Variants in EEFSEC observed in about 807,000 individuals in gnomAD.
The protein encoded by EEFSEC is selenocysteine-specific elongation factor.
In EEFSEC, 43 loss-of-function variants were observed where a neutral mutation model predicts 42.1. The observed-to-expected ratio is 1.02, with a 90% CI of 0.80 to 1.32. EEFSEC has a LOEUF of 1.32. Ranked by LOEUF, EEFSEC falls within the 40% of genes most tolerant of loss-of-function variation. EEFSEC has a pLI of 0.00. For synonymous variants in EEFSEC, 354 were observed against 339.1 expected, an observed-to-expected ratio of 1.04 and a Z score of -0.48; for missense variants, 745 against 803.6, an observed-to-expected ratio of 0.93 and a Z score of 0.88.
At chr3:128,261,494 G>A (rs1193801526) in intron 2 of EEFSEC, among the ~76,000 whole-genome samples, 4 of 149,788 alleles carry the variant, frequency 2.7e-5, no homozygotes, top group Non-Finnish European at 3.0e-5. Flanking sequence ...GAAAACCATG[G>A]TTGGAAGAAA....
chr3:128,405,217 C>T (rs1018054823), intron 6 of EEFSEC, among the ~76,000 whole-genome samples: 12 of 152,182 alleles, frequency 7.9e-5, no homozygotes, highest in African/African-American at 2.4e-4. Flanking sequence ...GGGGTTTCAC[C>T]GTGTTAGCCA....
chr3:128,182,886 G>C (rs189499838), intron 1 of EEFSEC, among the ~76,000 whole-genome samples: 4 of 149,598 alleles, frequency 2.7e-5, no homozygotes, highest in South Asian at 2.1e-4. Flanking sequence ...ATCGGGGCGG[G>C]GGGGTGGGGT....
intron 1 of EEFSEC, among the ~76,000 whole-genome samples, chr3:128,245,853 C>A (rs1472880294): frequency 6.6e-6 from 1 of 152,122 alleles, no homozygotes; most frequent in Non-Finnish European, 1.5e-5. Context: ...TCCTCCATGC[C>A]TTCCCTCTAT....
chr3:128,235,315 C>A (rs556944817), intron 1 of EEFSEC, among the ~76,000 whole-genome samples: 18 of 152,166 alleles, frequency 1.2e-4, no homozygotes, highest in Admixed American at 3.3e-4. Context: ...GCAATCCCCC[C>A]ACCTCGGCCT....
intron 1 of EEFSEC, among the ~76,000 whole-genome samples, chr3:128,236,668 A>G (rs1458559222): frequency 6.6e-6 from 1 of 152,044 alleles, no homozygotes; most frequent in African/African-American, 2.4e-5. Flanking sequence ...CTCTGACTTC[A>G]TCTCCTTCCT....
At chr3:128,250,037 T>G (rs1156952657) in intron 2 of EEFSEC, among the ~76,000 whole-genome samples, 1 of 152,212 alleles carries the variant, frequency 6.6e-6, no homozygotes, top group African/African-American at 2.4e-5. Context: ...TAATGGCCAT[T>G]TGTGTATCTT....
intron 1 of EEFSEC, among the ~76,000 whole-genome samples, chr3:128,189,172 T>C (rs1018339078): frequency 1.3e-5 from 2 of 152,182 alleles, no homozygotes; most frequent in Non-Finnish European, 2.9e-5. Flanking sequence ...CCTCTGGCCA[T>C]GTGGAGGAGG....
At chr3:128,296,192 T>C (rs1487265685) in intron 4 of EEFSEC, among the ~76,000 whole-genome samples, 2 of 152,160 alleles carry the variant, frequency 1.3e-5, no homozygotes, top group East Asian at 1.9e-4. Context: ...TGTCCCGATG[T>C]TGGAATACCC....
intron 4 of EEFSEC, among the ~76,000 whole-genome samples, chr3:128,296,022 A>G (rs1320780190): frequency 6.6e-6 from 1 of 152,148 alleles, no homozygotes; most frequent in Non-Finnish European, 1.5e-5. Flanking sequence ...ACATGTTACC[A>G]TGGTCCAGAA....
At chr3:128,326,453 AC>A (rs757460995) in intron 4 of EEFSEC, among the ~76,000 whole-genome samples, 2 of 152,126 alleles carry the variant, frequency 1.3e-5, no homozygotes, top group Non-Finnish European at 2.9e-5. Flanking sequence ...TGGGCCAGTT[AC>A]CTCAGCAAGG....
rs770190494 is a variant in EEFSEC, at chr3:128,262,213, G to C, written c.610G>C (p.Glu204Gln). The C allele has an allele frequency of 2.5e-6, 4 of 1,614,118 alleles. No homozygotes were observed. Among genetic ancestry groups the C allele is most frequent in the South Asian group, 1.1e-5 (1 of 91,078 alleles). ...AACTGAAGCTCCACAGGGCATTCCA[G>C]AGCTCATTGAGGTACTGTCATCTTG... is the stretch of plus-strand genomic sequence containing the variant. The part of the protein sequence containing the change: ...PETEAPQGIP[E>Q]LIELLTSQIS... Residue 204 changes from glutamate (E) to glutamine (Q), a missense_variant, in exon 3 of 7, where the codon GAG (glutamate) becomes CAG (glutamine). Coordinates refer to ENST00000254730, the MANE Select transcript of EEFSEC (RefSeq NM_021937.5).
At chr3:128,340,690 G>A (rs2067240385) in intron 4 of EEFSEC, among the ~76,000 whole-genome samples, 1 of 152,180 alleles carries the variant, frequency 6.6e-6, no homozygotes, top group African/African-American at 2.4e-5. Context: ...GAGGGGCTGG[G>A]TTACCACTAA....
chr3:128,281,077 G>C (rs1353796722), intron 4 of EEFSEC, among the ~76,000 whole-genome samples: 1 of 152,204 alleles, frequency 6.6e-6, no homozygotes, highest in Non-Finnish European at 1.5e-5. Context: ...TGGTGACAGT[G>C]ATAATTTCCT....
At chr3:128,328,791 G>A (rs78448325) in intron 4 of EEFSEC, among the ~76,000 whole-genome samples, 4,693 of 152,202 alleles carry the variant, frequency 0.031, 227 homozygotes, top group African/African-American at 0.1. Context: ...AGAGTGCCTC[G>A]CCGTTTTACA....
chr3:128,253,480 T>C (rs905885058), intron 2 of EEFSEC, among the ~76,000 whole-genome samples: 2 of 152,180 alleles, frequency 1.3e-5, no homozygotes, highest in African/African-American at 4.8e-5. Flanking sequence ...CCCCTGCCCA[T>C]GGACTATTGA....
At chr3:128,361,891 C>T (rs907859905) in intron 6 of EEFSEC, among the ~76,000 whole-genome samples, 1 of 152,130 alleles carries the variant, frequency 6.6e-6, no homozygotes, top group East Asian at 1.9e-4. Context: ...GAGGAGGTTC[C>T]TGTCCAAGTC....
At chr3:128,245,263 C>T (rs2066115398) in intron 1 of EEFSEC, among the ~76,000 whole-genome samples, 1 of 152,128 alleles carries the variant, frequency 6.6e-6, no homozygotes, top group African/African-American at 2.4e-5. Flanking sequence ...GAGAAAGAGT[C>T]CAGAGGAGAG....
intron 1 of EEFSEC, among the ~76,000 whole-genome samples, chr3:128,180,047 A>T (rs555731171): frequency 2.6e-4 from 40 of 152,156 alleles, no homozygotes; most frequent in African/African-American, 9.4e-4. Context: ...CTGATCTGTT[A>T]TTTGCATTAT....
At chr3:128,156,439 T>G (rs1944382829) in intron 1 of EEFSEC, among the ~76,000 whole-genome samples, 1 of 152,200 alleles carries the variant, frequency 6.6e-6, no homozygotes, top group African/African-American at 2.4e-5. Context: ...CTCATCCGCT[T>G]CCAACATACG....
Sources: gnomAD v4.1 joint callset for allele counts (sites outside exome capture counted in the v4.1 genomes callset) on GRCh38, gnomAD v4.1.1 for gene constraint, MANE v1.5 for transcripts, NCBI Gene and HGNC (gene_info 2026-07-23, HGNC 2026-07-21) for gene names.